Variants in TLE1 observed in about 807,000 individuals in gnomAD.
The protein encoded by TLE1 is TLE family member 1, transcriptional corepressor.
Under a neutral mutation model 89.8 loss-of-function variants are expected in TLE1, and 21 were observed. The observed-to-expected ratio is 0.23, with a 90% confidence interval of 0.17 to 0.34. The LOEUF (loss-of-function observed/expected upper bound fraction) is 0.34. Ranked by LOEUF, TLE1 falls within the 10% of genes least tolerant of loss-of-function variation. TLE1 has a pLI of 1.00. For synonymous variants in TLE1, 447 were observed against 407.6 expected (o/e 1.10, Z -1.16); for missense variants, 795 against 1,031.2 (o/e 0.77, Z 3.14).
chr9:81,614,320 T>C (rs1200404728), intron 11 of TLE1, among the ~76,000 whole-genome samples: 1 of 152,116 alleles, frequency 6.6e-6, no homozygotes, highest in Admixed American at 6.5e-5. Context: ...ACCTTACCAA[T>C]ATGCCTAAAA....
intron 6 of TLE1, among the ~76,000 whole-genome samples, chr9:81,639,484 A>C (rs1298379428): frequency 1.3e-5 from 2 of 152,136 alleles, no homozygotes; most frequent in African/African-American, 4.8e-5. Flanking sequence ...GTTTACAGTA[A>C]TTAGGAAATT....
At chr9:81,665,495 C>G (rs1001613154) in intron 4 of TLE1, among the ~76,000 whole-genome samples, 3 of 151,658 alleles carry the variant, frequency 2.0e-5, no homozygotes, top group Non-Finnish European at 4.4e-5. Flanking sequence ...TCTCTGAAAA[C>G]AAGGAGGGGT....
intron 4 of TLE1, among the ~76,000 whole-genome samples, chr9:81,668,168 G>GA (rs35867645): frequency 1.4e-5 from 2 of 146,550 alleles, no homozygotes; most frequent in Non-Finnish European, 1.5e-5. Context: ...ACTGCATCTC[G>GA]AAAAAAAAAA....
At chr9:81,586,878 G>A (rs771995140) in intron 17 of TLE1, among the ~76,000 whole-genome samples, 4 of 151,970 alleles carry the variant, frequency 2.6e-5, no homozygotes, top group Non-Finnish European at 4.4e-5. Flanking sequence ...AATGTTAACA[G>A]GAATATGAAA....
At chr9:81,593,901 G>C (rs1488541604) in intron 14 of TLE1, among the ~76,000 whole-genome samples, 1 of 152,094 alleles carries the variant, frequency 6.6e-6, no homozygotes, top group African/African-American at 2.4e-5. Flanking sequence ...GGTCAGGAAC[G>C]CCATTATATA....
intron 6 of TLE1, among the ~76,000 whole-genome samples, chr9:81,635,319 T>A (rs897149368): frequency 3.3e-5 from 5 of 152,162 alleles, no homozygotes; most frequent in African/African-American, 9.7e-5. Flanking sequence ...AGCACTTATG[T>A]GTGGGACTCC....
At chr9:81,622,287 C>T (rs1011467378) in intron 8 of TLE1, among the ~76,000 whole-genome samples, 2 of 152,158 alleles carry the variant, frequency 1.3e-5, no homozygotes, top group Admixed American at 6.5e-5. Context: ...ACTTTAAATC[C>T]GCCCAAGTGC....
At chr9:81,636,325 G>A (rs925597200) in intron 6 of TLE1, among the ~76,000 whole-genome samples, 3 of 151,944 alleles carry the variant, frequency 2.0e-5, no homozygotes, top group Admixed American at 1.3e-4. Context: ...ATGCTCATTA[G>A]CACTTAATTA....
Position 81,688,308 on chromosome 9 carries a change from C to A in TLE1, c.-68G>T. 2.8e-6 allele frequency: 4 copies of A among 1,454,334 alleles called. No individual in the cohort carries two copies. Among genetic ancestry groups the A allele is most frequent in the Non-Finnish European group, 2.7e-6 (3 of 1,100,864 alleles). 90.1% of individuals were successfully genotyped at this position (1,454,334 alleles called of 1,614,324 possible). On this transcript the variant is annotated 5_prime_UTR_variant, in exon 1 of 20. Coordinates refer to ENST00000376499, the MANE Select transcript of TLE1 (RefSeq NM_005077.5). ...TCTCCGGTCAATTTCCAACTTTAAT[C>A]CCGCCGAGGAAAATTAAGCCGGAAA... is the stretch of plus-strand genomic sequence containing the variant.
chr9:81,638,402 C>A (rs1588075244), intron 6 of TLE1, among the ~76,000 whole-genome samples: 1 of 152,154 alleles, frequency 6.6e-6, no homozygotes, highest in African/African-American at 2.4e-5. Context: ...GGGTCCAAAT[C>A]TAGAAGAGTA....
At chr9:81,643,587 T>C (rs1828443710) in intron 6 of TLE1, among the ~76,000 whole-genome samples, 1 of 151,836 alleles carries the variant, frequency 6.6e-6, no homozygotes, top group Non-Finnish European at 1.5e-5. Flanking sequence ...CCAGGTGGGA[T>C]ACAGTGGCAT....
intron 8 of TLE1, 171 bp from the exon 9 acceptor site, chr9:81,620,728 CACTTAAAAG>C (rs770527779): frequency 1.0e-6 from 1 of 985,426 alleles, no homozygotes; most frequent in Non-Finnish European, 1.2e-6. Flanking sequence ...CAGGTTTACA[CACTTAAAAG>C]GGAGACCCTG....
At chr9:81,659,843 G>T (rs1199196299) in intron 4 of TLE1, among the ~76,000 whole-genome samples, 1 of 152,136 alleles carries the variant, frequency 6.6e-6, no homozygotes, top group Non-Finnish European at 1.5e-5. Context: ...AATCGAGTGA[G>T]CTGATGAGCT....
rs1204920014 is a variant in TLE1 at position 81,585,575 on chromosome 9, C to T, written c.2058G>A (p.Val686=). ...GCAGCTGGTACTTGTCAGGCTTGTT[C>T]ACGTGCAGCACCTCCACATTGCTGC... ...MESSNVEVLH[V]NKPDKYQLHL... is the part of the protein sequence containing the mutation. Residue 686 remains valine (V), a synonymous_variant, in exon 18 of 20, where the codon GTG becomes GTA. Transcript: ENST00000376499. 3 of 1,614,046 alleles carry T rather than the reference C, an allele frequency of 1.9e-6. No homozygotes were observed. The Admixed American group carries it at 5.0e-5, about 27-fold the overall frequency.
rs1218351792 is a variant in TLE1, at chr9:81,611,765, C to A, written c.1254+4G>T. On this transcript the variant is annotated splice_donor_region_variant and intron_variant, in intron 13 of 19. Coordinates refer to ENST00000376499, the MANE Select transcript of TLE1 (RefSeq NM_005077.5). The stretch of plus-strand genomic sequence containing the variant: ...CAACCACAGCCCACCCGACAGCGGC[C>A]TACCATGGGGGAGCGCCCGTAGGCC... 3.3e-6 allele frequency: 5 copies of A among 1,516,350 alleles called. No individual in the cohort carries two copies. The highest frequency in any genetic ancestry group is 4.4e-6 in the Non-Finnish European group (5 of 1,141,100). The allele number at this position is 1,516,350 out of a possible 1,614,324, so 93.9% of individuals were successfully genotyped here. A position where few individuals can be genotyped will look rare whatever the true frequency, so the allele number is the denominator to read the frequency against.
At chr9:81,611,729 C>T (rs764602742) in intron 13 of TLE1, 40 bp downstream of exon 13, 8 of 1,442,866 alleles carry the variant, frequency 5.5e-6, no homozygotes, top group Admixed American at 3.3e-5. Flanking sequence ...GAGCATGCAG[C>T]GTTCCTACCC....
intron 4 of TLE1, among the ~76,000 whole-genome samples, chr9:81,670,935 G>C (rs183143536): frequency 6.6e-6 from 1 of 151,864 alleles, no homozygotes; most frequent in Admixed American, 6.6e-5. Flanking sequence ...TTGGGAGGCC[G>C]AGGCAGATGG....
At chr9:81,681,550 G>A (rs1316970075) in intron 4 of TLE1, among the ~76,000 whole-genome samples, 62 of 138,722 alleles carry the variant, frequency 4.5e-4, no homozygotes, top group African/African-American at 1.6e-3. Context: ...ATTCCGTCGC[G>A]CAAAAAAAAA....
intron 4 of TLE1, among the ~76,000 whole-genome samples, chr9:81,660,349 A>G (rs1421725086): frequency 1.3e-5 from 2 of 152,060 alleles, no homozygotes; most frequent in Non-Finnish European, 2.9e-5. Context: ...CACAAAAAAA[A>G]AAAAACAAAA....
Sources: allele counts gnomAD v4.1 joint callset (sites outside exome capture counted in the v4.1 genomes callset), GRCh38; gene constraint gnomAD v4.1.1; transcripts MANE v1.5; gene names NCBI Gene and HGNC (gene_info 2026-07-23, HGNC 2026-07-21).